The following ZNF692 variants were observed in gnomAD, a reference collection of about 807,000 sequenced individuals.
The protein encoded by ZNF692 is AICAR responsive element binding protein.
ZNF692 carries 41 observed loss-of-function variants against 49.0 expected under a neutral mutation model. That is an observed-to-expected ratio of 0.84 (90% CI 0.65 to 1.08). ZNF692 has a LOEUF of 1.08. ZNF692 is among the 50% of genes least tolerant of loss of function. ZNF692 has a pLI of 0.00. For synonymous variants in ZNF692, 288 were observed against 251.5 expected (o/e 1.15, Z -1.37); for missense variants, 662 against 662.2 (o/e 1.00, Z 0.00).
chr1:248,850,930 C>T (rs187564610), intron 10 of ZNF692, 149 bp from the exon 11 acceptor site: 38 of 755,126 alleles, frequency 5.0e-5, no homozygotes, highest in South Asian at 7.4e-5. Context: ...TCATGGAGCC[C>T]GTCTGGACCT....
chr1:248,857,789 CT>C (rs770444449), intron 3 of ZNF692, 38 bp downstream of exon 3: 1 of 1,609,176 alleles, frequency 6.2e-7, no homozygotes, highest in South Asian at 1.1e-5. Context: ...TGTGGTCCCT[CT>C]TCCCTCTGGC....
Position 248,850,411 on chromosome 1 carries a change from G to A in ZNF692, c.1359C>T (p.Cys453=), listed in dbSNP as rs12407362. The change falls in exon 12 of 12, where the codon TGC becomes TGT. Residue 453 remains cysteine, a synonymous_variant. Transcript: ENST00000306601. ...VAALRFPCEF[C]GKRFEKPDSV... is the part of the protein sequence containing the mutation. ...TGTCTGGCTTCTCAAAGCGCTTGCCGCAGAATTCACAGGGGAAGCGCAAGG... is the reference window on the plus strand; with the variant it reads ...TGTCTGGCTTCTCAAAGCGCTTGCCACAGAATTCACAGGGGAAGCGCAAGG... 2.5e-3 allele frequency: 4,079 copies of A among 1,614,154 alleles called. 76 individuals carry two copies. In the Admixed American group the frequency reaches 0.04, roughly 16 times the overall value.
chr1:248,857,387 C>A lies in ZNF692; in HGVS notation c.322G>T (p.Gly108Trp), dbSNP rs766525543. The A allele has an allele frequency of 6.2e-7, 1 of 1,614,070 alleles. No homozygotes were observed. Among genetic ancestry groups the A allele is most frequent in the Non-Finnish European group, 8.5e-7 (1 of 1,180,042 alleles). Residue 108 changes from glycine to tryptophan, a missense_variant, in exon 4 of 12, where the codon GGG becomes TGG. Coordinates refer to ENST00000306601, the MANE Select transcript of ZNF692 (RefSeq NM_017865.4). Reference sequence around the variant, plus strand: ...GCTGAGCACTCCCACACAAGCCCCCCATCTTGGCCGCCAGGCCCCCGAAGC... The same window carrying A: ...GCTGAGCACTCCCACACAAGCCCCCAATCTTGGCCGCCAGGCCCCCGAAGC... ...PGLRGPGGQD[G>W]GLVWECSAGH...
chr1:248,854,268 TCTC>T, intron 9 of ZNF692: 1 of 513,874 alleles, frequency 1.9e-6, no homozygotes, highest in Non-Finnish European at 3.5e-6. Context: ...ACCACTCAAC[TCTC>T]CTGTCACCCA....
intron 2 of ZNF692, 71 bp from the exon 3 acceptor site, chr1:248,857,930 G>C: frequency 1.3e-6 from 2 of 1,593,704 alleles, no homozygotes; most frequent in Non-Finnish European, 1.7e-6. Flanking sequence ...ACTCACACAT[G>C]TAAGGGGCCA....
chr1:248,858,137 A>T lies in ZNF692; in HGVS notation c.173T>A (p.Leu58Ter). Reference protein sequence around the residue: ...SLHSQLAKFLLDRYTSSGCVL... With the variant: ...SLHSQLAKFL Reference sequence around the variant, plus strand: ...CCTTCTCCCGGCCCCTAACCGGTCCAACAGGAACTTGGCGAGCTGCGAGTG... The same window carrying T: ...CCTTCTCCCGGCCCCTAACCGGTCCTACAGGAACTTGGCGAGCTGCGAGTG... The change falls in exon 2 of 12, where the codon TTG becomes TAG. Residue 58 changes from leucine (L) to a stop codon, truncating the protein, a stop_gained. Transcript: ENST00000306601. LOFTEE classifies it high-confidence loss of function. The surrounding 1 kb of genome is among the most constrained non-coding windows in gnomAD (Gnocchi z 4.3). 1 of 1,567,530 alleles carries T rather than the reference A, an allele frequency of 6.4e-7. No homozygotes were observed. The highest frequency in any genetic ancestry group is 8.6e-7 in the Non-Finnish European group (1 of 1,159,042).
chr1:248,851,241 C>A (rs1558247046), intron 10 of ZNF692, among the ~76,000 whole-genome samples: 1 of 152,146 alleles, frequency 6.6e-6, no homozygotes, highest in African/African-American at 2.4e-5. Flanking sequence ...CACCTGGAAT[C>A]ATCTACCACC....
intron 9 of ZNF692, chr1:248,854,517 T>C (rs1196047093): frequency 2.3e-5 from 2 of 88,178 alleles, no homozygotes; most frequent in Admixed American, 1.1e-4. Flanking sequence ...TAGTTCACCA[T>C]GGGTATATAT....
In ZNF692 at chr1:248,857,340, T is replaced by C; in HGVS notation, c.369A>G (p.Gly123=). ...ECSAGHTFSW[G]PSLSPTPSEA... ...CTGAAGGTGTAGGGCTCAAAGAGGGTCCCCAGGAGAAGGTATGGCCTGCTG... is the reference window on the plus strand; with the variant it reads ...CTGAAGGTGTAGGGCTCAAAGAGGGCCCCCAGGAGAAGGTATGGCCTGCTG... Residue 123 remains glycine (G), a synonymous_variant, in exon 4 of 12, where the codon GGA becomes GGG. Transcript: ENST00000306601. 1 of 1,613,502 alleles carries C rather than the reference T, an allele frequency of 6.2e-7. No individual in the cohort carries two copies. Among genetic ancestry groups the C allele is most frequent in the South Asian group, 1.1e-5 (1 of 91,026 alleles).
At position 248,858,797 on chromosome 1, in the gene ZNF692, C is replaced by T. The variant is rs565952450; in HGVS notation, c.-13+121G>A. ...GGTCAGAGGTCTGGAGGGCGCCCCCCATCCACCCCGTCTTGGGCACCCCCA... is the reference window on the plus strand; with the variant it reads ...GGTCAGAGGTCTGGAGGGCGCCCCCTATCCACCCCGTCTTGGGCACCCCCA... On this transcript the variant is annotated intron_variant, in intron 1 of 11. Coordinates refer to ENST00000306601, the MANE Select transcript of ZNF692 (RefSeq NM_017865.4). The surrounding 1 kb of genome is among the most constrained non-coding windows in gnomAD (Gnocchi z 4.3). 3,205 of 584,726 alleles carry T rather than the reference C, an allele frequency of 5.5e-3. 33 individuals carry two copies. The highest frequency in any genetic ancestry group is 0.02 in the South Asian group (991 of 50,472). 36.2% of individuals were successfully genotyped at this position (584,726 alleles called of 1,614,324 possible). A position where few individuals can be genotyped will look rare whatever the true frequency, so the allele number is the denominator to read the frequency against.
At position 248,858,177 on chromosome 1, in the gene ZNF692, G is replaced by A; in HGVS notation, c.133C>T (p.Leu45=). The A allele has an allele frequency of 6.3e-7, 1 of 1,577,742 alleles. No individual in the cohort carries two copies. The highest frequency in any genetic ancestry group is 8.6e-7 in the Non-Finnish European group (1 of 1,162,252). ...AGCTGCGAGTGCAGGGAGAAGCCCA[G>A]CCGCTCCTTGAGGAGGCACCACTGC... ...MEQWCLLKER[L]GFSLHSQLAK... is the part of the protein sequence containing the mutation. Residue 45 remains leucine (L), a synonymous_variant, in exon 2 of 12, where the codon CTG becomes TTG. Transcript: ENST00000306601. This position sits in a 1 kb window ranked among gnomAD's most constrained non-coding sequence, Gnocchi z 4.3.
intron 10 of ZNF692, among the ~76,000 whole-genome samples, chr1:248,851,880 T>C (rs903527477): frequency 2.6e-5 from 4 of 152,222 alleles, no homozygotes; most frequent in African/African-American, 9.6e-5. Context: ...AATCCCATGA[T>C]TCCAGGCCAG....
At chr1:248,853,297 C>G (rs1406131438) in intron 10 of ZNF692, among the ~76,000 whole-genome samples, 1 of 152,182 alleles carries the variant, frequency 6.6e-6, no homozygotes, top group Non-Finnish European at 1.5e-5. Context: ...CTGAGGTCCC[C>G]CTGTTCACAC....
chr1:248,856,198 A>C, intron 6 of ZNF692, 90 bp downstream of exon 6: 3 of 1,515,588 alleles, frequency 2.0e-6, no homozygotes, highest in Non-Finnish European at 2.6e-6. Context: ...CACACTAACA[A>C]GCCCTTCCCT....
intron 4 of ZNF692, 148 bp downstream of exon 4, chr1:248,857,086 G>A: frequency 1.2e-6 from 1 of 844,620 alleles, no homozygotes. Flanking sequence ...TGCTTTTCAT[G>A]CCCAACAGTG....
chr1:248,855,347 G>A lies in ZNF692; in HGVS notation c.1038+33C>T, dbSNP rs1457367586. On this transcript the variant is annotated intron_variant, in intron 9 of 11. Coordinates refer to ENST00000306601, the MANE Select transcript of ZNF692 (RefSeq NM_017865.4). ...TCTTTTAGCCCTTTCCCCCACCCCA[G>A]CAGCCACACAGGCCCCAACCTGTGC... 4.3e-6 allele frequency: 7 copies of A among 1,609,340 alleles called. No homozygotes were observed. In the South Asian group the frequency reaches 6.6e-5, roughly 15 times the overall value.
intron 9 of ZNF692, among the ~76,000 whole-genome samples, chr1:248,854,755 C>T (rs1468538910): frequency 6.6e-6 from 1 of 152,204 alleles, no homozygotes; most frequent in African/African-American, 2.4e-5. Context: ...ATCTTCTCCA[C>T]AGCAGACTCC....
chr1:248,855,133 C>T (rs1004296682), intron 9 of ZNF692, among the ~76,000 whole-genome samples: 1 of 152,198 alleles, frequency 6.6e-6, no homozygotes, highest in Non-Finnish European at 1.5e-5. Flanking sequence ...GGCTCAGAAC[C>T]CTAGCACTAA....
Position 248,858,030 on chromosome 1 carries a change from G to C in ZNF692, c.179+101C>G. On this transcript the variant is annotated intron_variant, in intron 2 of 11. Transcript: ENST00000306601. This position sits in a 1 kb window ranked among gnomAD's most constrained non-coding sequence, Gnocchi z 4.3. ...CACACAGGCCGTCCTGGTAAAGTGAGAAACCTGAGGGTGGAAAAGAGCAGC... is the reference window on the plus strand; with the variant it reads ...CACACAGGCCGTCCTGGTAAAGTGACAAACCTGAGGGTGGAAAAGAGCAGC... 6.5e-7 allele frequency: 1 copy of C among 1,545,634 alleles called. No individual in the cohort carries two copies. Among genetic ancestry groups the C allele is most frequent in the African/African-American group, 1.4e-5 (1 of 73,674 alleles).
Sources: gnomAD v4.1 joint callset for allele counts (sites outside exome capture counted in the v4.1 genomes callset) on GRCh38, gnomAD v4.1.1 for gene constraint, Gnocchi (gnomAD v3.1) non-coding constraint, MANE v1.5 for transcripts, NCBI Gene and HGNC (gene_info 2026-07-23, HGNC 2026-07-21) for gene names.